The following NR1H2 variants were observed in gnomAD, a reference collection of about 807,000 sequenced individuals.
NR1H2 encodes the protein oxysterols receptor LXR-beta.
NR1H2 carries 33 observed loss-of-function variants against 51.2 expected under a neutral mutation model. The ratio of observed to expected loss-of-function variants is 0.64; its 90% CI spans 0.49 to 0.86. The LOEUF is 0.86. Among genes scored for constraint, NR1H2 ranks in the 40% least tolerant of loss-of-function variants. NR1H2 has a pLI of 0.00. For synonymous variants in NR1H2, 310 were observed against 264.3 expected, an observed-to-expected ratio of 1.17 and a Z score of -1.68; for missense variants, 592 against 639.9, an observed-to-expected ratio of 0.93 and a Z score of 0.81.
intron 8 of NR1H2, among the ~76,000 whole-genome samples, 187 bp downstream of exon 8, chr19:50,380,066 C>T (rs2037741318): frequency 6.6e-6 from 1 of 152,230 alleles, no homozygotes. Context: ...GTCCCAGCCA[C>T]TCGAGGCTGA....
rs539342063 is a variant in NR1H2 at position 50,382,108 on chromosome 19, C to T, written c.1170C>T (p.Arg390=). The change falls in exon 9 of 10, where the codon CGC becomes CGT. Residue 390 remains arginine (R), a synonymous_variant. Coordinates refer to ENST00000253727, the MANE Select transcript of NR1H2 (RefSeq NM_007121.7). ...ADRPNVQEPG[R]VEALQQPYVE... ...GGCCCAACGTGCAGGAGCCGGGCCG[C>T]GTGGAGGCGTTGCAGCAGCCCTACG... 9.1e-6 allele frequency: 14 copies of T among 1,546,450 alleles called. No individual in the cohort carries two copies. Among genetic ancestry groups the T allele is most frequent in the African/African-American group, 8.2e-5 (6 of 73,204 alleles).
chr19:50,379,571 G>A (rs1179568372), intron 7 of NR1H2, among the ~76,000 whole-genome samples: 1 of 152,186 alleles, frequency 6.6e-6, no homozygotes, highest in East Asian at 1.9e-4. Flanking sequence ...CTAAGGAGAT[G>A]GGGATGCAGC....
rs967155409 is a variant in NR1H2 at position 50,379,789 on chromosome 19, C to T, written c.937C>T (p.Leu313=). The change falls in exon 8 of 10, where the codon CTA becomes TTA. Residue 313 remains leucine (L), a synonymous_variant. Transcript: ENST00000253727. Reference sequence around the variant, plus strand: ...CCGCTGCCGCCCTTAGATCATGCTGCTAGAGACAGCCAGGCGCTACAACCA... The same window carrying T: ...CCGCTGCCGCCCTTAGATCATGCTGTTAGAGACAGCCAGGCGCTACAACCA... ...LKASTIEIML[L]ETARRYNHET... is the part of the protein sequence containing the mutation. The T allele has an allele frequency of 3.1e-6, 5 of 1,613,100 alleles. No homozygotes were observed. Among genetic ancestry groups the T allele is most frequent in the Non-Finnish European group, 4.2e-6 (5 of 1,179,038 alleles).
chr19:50,376,895 C>T (rs2037673613), intron 2 of NR1H2, 69 bp downstream of exon 2: 1 of 119,986 alleles, frequency 8.3e-6, no homozygotes. Flanking sequence ...GCGGGACCTG[C>T]AGCGCGGTGC....
intron 8 of NR1H2, among the ~76,000 whole-genome samples, chr19:50,380,448 T>C (rs150760966): frequency 9.1e-4 from 139 of 152,230 alleles, no homozygotes; most frequent in African/African-American, 3.1e-3. Context: ...TGAGAGGCAC[T>C]GCCTAGGAAA....
At chr19:50,381,088 C>G (rs2037758660) in intron 8 of NR1H2, among the ~76,000 whole-genome samples, 1 of 152,242 alleles carries the variant, frequency 6.6e-6, no homozygotes. Flanking sequence ...CCTGTTCCAG[C>G]CACTCTGGCC....
chr19:50,378,646 T>C lies in NR1H2; in HGVS notation c.597T>C (p.Ala199=), dbSNP rs772171355. The change falls in exon 6 of 10, where the codon GCT becomes GCC. Residue 199 remains alanine (A), a synonymous_variant. Coordinates refer to ENST00000253727, the MANE Select transcript of NR1H2 (RefSeq NM_007121.7). The stretch of plus-strand genomic sequence containing the variant: ...GCAGCTCAGCCTCTGGGCCTGGGGC[T>C]TCCCCTGGTGGATCTGAGGCAGGCA... ...GSSSSASGPG[A]SPGGSEAGSQ... The C allele has an allele frequency of 6.2e-7, 1 of 1,613,900 alleles. No individual in the cohort carries two copies. The highest frequency in any genetic ancestry group is 1.3e-5 in the African/African-American group (1 of 74,948).
chr19:50,383,042 G>A lies in NR1H2; in HGVS notation c.*440G>A, dbSNP rs1020995498. On this transcript the variant is annotated 3_prime_UTR_variant, in exon 10 of 10. Transcript: ENST00000253727. The stretch of plus-strand genomic sequence containing the variant: ...AGCTGGAGTGCAAGATGGAGAGGGC[G>A]CGGGCTTCTAGGGACCTCAGTGACA... 1 of 153,924 alleles carries A rather than the reference G, an allele frequency of 6.5e-6. No individual in the cohort carries two copies. Among genetic ancestry groups the A allele is most frequent in the Non-Finnish European group, 1.4e-5 (1 of 69,238 alleles). The allele number at this position is 153,924 out of a possible 1,614,324, so 9.5% of individuals were successfully genotyped here.
At position 50,378,157 on chromosome 19, in the gene NR1H2, G is replaced by A; in HGVS notation, c.190G>A (p.Asp64Asn). The part of the protein sequence containing the change: ...SACSTDWVIP[D>N]PEEEPERKRK... Reference sequence around the variant, plus strand: ...CTACCTACCCACCCCAGTCATCCCAGATCCCGAAGAGGAACCAGAGCGCAA... The same window carrying A: ...CTACCTACCCACCCCAGTCATCCCAAATCCCGAAGAGGAACCAGAGCGCAA... The change falls in exon 5 of 10, where the codon GAT becomes AAT. Residue 64 changes from aspartate (D) to asparagine (N), a missense_variant. By Grantham distance (23) the Asp-to-Asn change is conservative (BLOSUM62 1). Around this residue, in one of 3 missense-constraint regions of NR1H2, gnomAD observed 316 missense variants for 313.4 expected, o/e 1.01. Transcript: ENST00000253727. The A allele has an allele frequency of 6.2e-7, 1 of 1,608,658 alleles. No homozygotes were observed. Among genetic ancestry groups the A allele is most frequent in the Non-Finnish European group, 8.5e-7 (1 of 1,176,722 alleles).
intron 8 of NR1H2, 62 bp downstream of exon 8, chr19:50,379,941 C>G (rs1327294039): frequency 9.6e-7 from 1 of 1,042,076 alleles, no homozygotes; most frequent in Non-Finnish European, 1.5e-6. Flanking sequence ...GACCTGGGGC[C>G]AACTCATCCC....
chr19:50,377,626 T>C lies in NR1H2; in HGVS notation c.21T>C (p.Ser7=), dbSNP rs766623838. 6.2e-7 allele frequency: 1 copy of C among 1,613,630 alleles called. No homozygotes were observed. Residue 7 remains serine, a synonymous_variant, in exon 3 of 10, where the codon AGT becomes AGC. Coordinates refer to ENST00000253727, the MANE Select transcript of NR1H2 (RefSeq NM_007121.7). MSSPTT[S]SLDTPLPGNG... ...CCACCATGTCCTCTCCTACCACGAG[T>C]TCCCTGGATACCCCCCTGCCTGGTG... is the stretch of plus-strand genomic sequence containing the variant.
In NR1H2 at chr19:50,378,268, G is replaced by A. The variant is rs779040111; in HGVS notation, c.301G>A (p.Val101Met). ...CAAGGCCTCCGGCTTCCACTACAAC[G>A]TGCTCAGCTGCGAAGGCTGCAAGGG... ...GDKASGFHYNVLSCEGCKGFF... is the reference protein window; with the variant it reads ...GDKASGFHYNMLSCEGCKGFF... The change falls in exon 5 of 10, where the codon GTG (valine) becomes ATG (methionine). Residue 101 changes from valine (V) to methionine (M), a missense_variant. Physicochemically the swap from Val to Met is conservative, Grantham distance 21. Transcript: ENST00000253727. 3.7e-5 allele frequency: 60 copies of A among 1,613,428 alleles called. No individual in the cohort carries two copies. Among genetic ancestry groups the A allele is most frequent in the Non-Finnish European group, 5.1e-5 (60 of 1,180,050 alleles).
At position 50,383,243 on chromosome 19, in the gene NR1H2, AAGGATAAAC is replaced by A. The variant is rs2037818566; in HGVS notation, c.*647_*655del. Among the ~76,000 whole-genome samples the A allele has an allele frequency of 6.6e-6, 1 of 152,228 alleles. No individual in the cohort carries two copies. The highest frequency in any genetic ancestry group is 1.5e-5 in the Non-Finnish European group (1 of 68,042). ...CAAGGTGAATCAGAACTCACCCTTG[AAGGATAAAC>A]AGGATTTAAGTGAATGAGGGGACCT... On this transcript the variant is annotated 3_prime_UTR_variant, in exon 10 of 10. Coordinates refer to ENST00000253727, the MANE Select transcript of NR1H2 (RefSeq NM_007121.7).
At position 50,383,297 on chromosome 19, in the gene NR1H2, A is replaced by G. The variant is rs922282484; in HGVS notation, c.*695A>G. Among the ~76,000 whole-genome samples, 4 of 152,228 alleles carry G rather than the reference A, an allele frequency of 2.6e-5. No homozygotes were observed. The highest frequency in any genetic ancestry group is 7.2e-5 in the African/African-American group (3 of 41,456). ...GGACCTGGACTTCTGTCCGAACAAC[A>G]AGTGTTTGCTGAGGCCTCCTGTGGG... is the stretch of plus-strand genomic sequence containing the variant. On this transcript the variant is annotated 3_prime_UTR_variant, in exon 10 of 10. Transcript: ENST00000253727.
chr19:50,377,844 C>G lies in NR1H2; in HGVS notation c.155C>G (p.Ala52Gly). The G allele has an allele frequency of 6.3e-7, 1 of 1,592,294 alleles. No individual in the cohort carries two copies. Among genetic ancestry groups the G allele is most frequent in the Admixed American group, 1.8e-5 (1 of 55,272 alleles). The change falls in exon 4 of 10, where the codon GCC becomes GGC. Residue 52 changes from alanine (A) to glycine (G), a missense_variant. By Grantham distance (60) the Ala-to-Gly change is moderately conservative (BLOSUM62 0). This residue lies in a region of NR1H2 where 316 missense variants were observed against 313.4 expected (regional missense o/e 1.01). Coordinates refer to ENST00000253727, the MANE Select transcript of NR1H2 (RefSeq NM_007121.7). The part of the protein sequence containing the change: ...PDPDVPGTDE[A>G]SSACSTDWVI... Reference sequence around the variant, plus strand: ...CCTGATGTCCCAGGCACTGATGAGGCCAGCTCAGCCTGCAGCACAGACTGG... The same window carrying G: ...CCTGATGTCCCAGGCACTGATGAGGGCAGCTCAGCCTGCAGCACAGACTGG...
rs368565706 is a variant in NR1H2, at chr19:50,382,641, C to T, written c.*39C>T. On this transcript the variant is annotated 3_prime_UTR_variant, in exon 10 of 10. Coordinates refer to ENST00000253727, the MANE Select transcript of NR1H2 (RefSeq NM_007121.7). ...CAGCCCCACAGCCTTGCCTGACCAC[C>T]CTCCAGCAGATAGACGCCGGCACCC... is the stretch of plus-strand genomic sequence containing the variant. 4.0e-4 allele frequency: 610 copies of T among 1,510,228 alleles called. No homozygotes were observed. The highest frequency in any genetic ancestry group is 3.9e-3 in the South Asian group (305 of 77,406). The allele number at this position is 1,510,228 out of a possible 1,614,324, so 93.6% of individuals were successfully genotyped here. A position where few individuals can be genotyped will look rare whatever the true frequency, so the allele number is the denominator to read the frequency against.
rs1458751919 is a variant in NR1H2, at chr19:50,382,012, C to T, written c.1074C>T (p.Ala358=). The change falls in exon 9 of 10, where the codon GCC becomes GCT. Residue 358 remains alanine, a synonymous_variant. Coordinates refer to ENST00000253727, the MANE Select transcript of NR1H2 (RefSeq NM_007121.7). ...ACCCCATCTTCGAGTTCTCGCGGGCCATGCGGCGGCTGGGCCTGGACGACG... is the reference window on the plus strand; with the variant it reads ...ACCCCATCTTCGAGTTCTCGCGGGCTATGCGGCGGCTGGGCCTGGACGACG... ...FINPIFEFSR[A]MRRLGLDDAE... 9 of 1,568,878 alleles carry T rather than the reference C, an allele frequency of 5.7e-6. No individual in the cohort carries two copies. The highest frequency in any genetic ancestry group is 1.9e-5 in the Admixed American group (1 of 53,940).
chr19:50,382,622 C>T lies in NR1H2; in HGVS notation c.*20C>T. 1.3e-6 allele frequency: 2 copies of T among 1,538,126 alleles called. No individual in the cohort carries two copies. Among genetic ancestry groups the T allele is most frequent in the Non-Finnish European group, 8.7e-7 (1 of 1,146,302 alleles). ...GAGTGAGGGGCTGGCCACCCAGCCC[C>T]ACAGCCTTGCCTGACCACCCTCCAG... is the stretch of plus-strand genomic sequence containing the variant. On this transcript the variant is annotated 3_prime_UTR_variant, in exon 10 of 10. Transcript: ENST00000253727.
At chr19:50,378,101 C>A in intron 4 of NR1H2, 48 bp from the exon 5 acceptor site, 1 of 1,559,962 alleles carries the variant, frequency 6.4e-7, no homozygotes, top group South Asian at 1.2e-5. Flanking sequence ...CTCTCTGGTT[C>A]CTGTTTCTCC....
Sources: gnomAD v4.1 joint callset for allele counts (sites outside exome capture counted in the v4.1 genomes callset) on GRCh38, gnomAD v4.1.1 for gene constraint, gnomAD v4.1.1 regional missense constraint, MANE v1.5 for transcripts, NCBI Gene and HGNC (gene_info 2026-07-23, HGNC 2026-07-21) for gene names.